MPHOSPH9: variants seen among roughly 807,000 people sequenced by gnomAD.
MPHOSPH9 encodes the protein M-phase phosphoprotein 9.
Under a neutral mutation model 145.5 loss-of-function variants are expected in MPHOSPH9, and 88 were observed. The observed-to-expected ratio is 0.60, with a 90% CI of 0.51 to 0.72. MPHOSPH9 has a LOEUF of 0.72. Ranked by LOEUF, MPHOSPH9 falls within the 30% of genes least tolerant of loss-of-function variation. MPHOSPH9 has a pLI of 0.00. For missense variants in MPHOSPH9, 1,238 were observed against 1,386.6 expected (o/e 0.89, Z 1.70); for synonymous variants, 435 against 486.2 (o/e 0.89, Z 1.39).
At chr12:123,180,189 C>T (rs2045062217) in intron 14 of MPHOSPH9, among the ~76,000 whole-genome samples, 199 bp from the exon 15 acceptor site, 1 of 152,196 alleles carries the variant, frequency 6.6e-6, no homozygotes, top group South Asian at 2.1e-4. Flanking sequence ...TACACAAGTC[C>T]CTCTGTGTAA....
intron 13 of MPHOSPH9, among the ~76,000 whole-genome samples, chr12:123,192,059 A>G (rs576739375): frequency 6.6e-6 from 1 of 152,292 alleles, no homozygotes; most frequent in East Asian, 1.9e-4. Flanking sequence ...AGTCAAATGC[A>G]GAAGGAATAC....
At chr12:123,222,150 C>A (rs1412713684) in intron 4 of MPHOSPH9, among the ~76,000 whole-genome samples, 1 of 145,928 alleles carries the variant, frequency 6.9e-6, no homozygotes, top group Admixed American at 6.8e-5. Flanking sequence ...TTGGCCAACA[C>A]GGTGAAACTC....
chr12:123,179,893 G>T, intron 15 of MPHOSPH9, 33 bp downstream of exon 15: 1 of 1,115,214 alleles, frequency 9.0e-7, no homozygotes, highest in Non-Finnish European at 1.3e-6. Context: ...AACAATTGAG[G>T]TATGTGTACA....
intron 5 of MPHOSPH9, among the ~76,000 whole-genome samples, chr12:123,220,664 G>A (rs777780710): frequency 2.0e-5 from 3 of 152,092 alleles, no homozygotes; most frequent in Non-Finnish European, 4.4e-5. Flanking sequence ...AGCTACTCAG[G>A]AGGATCACTT....
chr12:123,216,516 T>G (rs2046967447), intron 6 of MPHOSPH9, among the ~76,000 whole-genome samples: 1 of 152,088 alleles, frequency 6.6e-6, no homozygotes, highest in South Asian at 2.1e-4. Context: ...ACAATGCTAT[T>G]CTGTGACAAA....
upstream of MPHOSPH9, among the ~76,000 whole-genome samples, chr12:123,237,985 T>A: frequency 6.6e-6 from 1 of 151,844 alleles, no homozygotes; most frequent in Non-Finnish European, 1.5e-5. Context: ...AACCTCTGCC[T>A]GCCAGGTTGA....
chr12:123,162,989 T>C, intron 20 of MPHOSPH9, 25 bp downstream of exon 20: 3 of 1,528,850 alleles, frequency 2.0e-6, no homozygotes, highest in Non-Finnish European at 1.7e-6. Flanking sequence ...TAGTAAACTT[T>C]ATTCTACAAT....
At chr12:123,197,122 A>AT (rs1250693123) in intron 12 of MPHOSPH9, among the ~76,000 whole-genome samples, 1 of 142,702 alleles carries the variant, frequency 7.0e-6, no homozygotes, top group Non-Finnish European at 1.5e-5. Context: ...ACTAAAATTC[A>AT]TGGAATTGTA....
chr12:123,187,199 C>T (rs1036404028), intron 13 of MPHOSPH9, among the ~76,000 whole-genome samples: 2 of 151,484 alleles, frequency 1.3e-5, no homozygotes, highest in Non-Finnish European at 2.9e-5. Flanking sequence ...AGGCAGAGGC[C>T]GCAGTAGCCA....
chr12:123,212,576 G>A (rs1036320735), intron 7 of MPHOSPH9, among the ~76,000 whole-genome samples: 2 of 151,740 alleles, frequency 1.3e-5, no homozygotes, highest in Non-Finnish European at 1.5e-5. Flanking sequence ...GCGTGGTAGT[G>A]CATGCCTGTA....
chr12:123,181,175 G>C lies in MPHOSPH9; in HGVS notation c.2277C>G (p.His759Gln), dbSNP rs1405034532. 6.2e-7 allele frequency: 1 copy of C among 1,611,658 alleles called. No individual in the cohort carries two copies. Among genetic ancestry groups the C allele is most frequent in the Non-Finnish European group, 8.5e-7 (1 of 1,178,042 alleles). Residue 759 changes from histidine (H) to glutamine (Q), a missense_variant, in exon 14 of 24, where the codon CAC becomes CAG. By Grantham distance (24) the His-to-Gln change is conservative (BLOSUM62 0). Transcript: ENST00000606320. ...LGEYESLGKE[H>Q]RRVKDALNTT... The stretch of plus-strand genomic sequence containing the variant: ...CATTACCCCTTACCTTTACTCTCCT[G>C]TGTTCTTTTCCAAGGGACTCATACT...
chr12:123,233,769 G>A (rs1289876345), upstream of MPHOSPH9: 1 of 152,424 alleles, frequency 6.6e-6, no homozygotes, highest in East Asian at 1.9e-4. Context: ...GGGCTGTTCA[G>A]GCACTCAGGG....
At chr12:123,184,516 G>C (rs1415335719) in intron 13 of MPHOSPH9, among the ~76,000 whole-genome samples, 1 of 143,728 alleles carries the variant, frequency 7.0e-6, no homozygotes. Context: ...TTTTTTTCTT[G>C]AGATGGAGTC....
At chr12:123,236,901 C>T (rs560072046), upstream of MPHOSPH9, among the ~76,000 whole-genome samples, 3 of 151,932 alleles carry the variant, frequency 2.0e-5, no homozygotes, top group African/African-American at 7.2e-5. Flanking sequence ...CTGAGAAACA[C>T]GGTGAATCCC....
Position 123,165,493 on chromosome 12 carries a change from T to A in MPHOSPH9, c.2592-16A>T, listed in dbSNP as rs369401042. ...TGAACGGTGCCTTAAACAATAATTT[T>A]AAGACATACAGTGCTATGGACTAAA... is the stretch of plus-strand genomic sequence containing the variant. On this transcript the variant is annotated splice_polypyrimidine_tract_variant and intron_variant, in intron 17 of 23. Coordinates refer to ENST00000606320, the MANE Select transcript of MPHOSPH9 (RefSeq NM_022782.4). 1.5e-4 allele frequency: 246 copies of A among 1,609,430 alleles called. No homozygotes were observed. Among genetic ancestry groups the A allele is most frequent in the Non-Finnish European group, 2.0e-4 (239 of 1,177,518 alleles).
chr12:123,210,186 T>C, intron 7 of MPHOSPH9, 24 bp from the exon 8 acceptor site: 4 of 1,379,876 alleles, frequency 2.9e-6, no homozygotes, highest in Non-Finnish European at 3.9e-6. Flanking sequence ...ACACACAGAA[T>C]AGAAAAGAGT....
chr12:123,243,035 G>GT (rs931412043), intron 1 of MPHOSPH9, among the ~76,000 whole-genome samples: 139 of 152,310 alleles, frequency 9.1e-4, no homozygotes, highest in African/African-American at 2.9e-3. Context: ...TCTTTCGTAG[G>GT]TAAGGTGATT....
intron 11 of MPHOSPH9, among the ~76,000 whole-genome samples, chr12:123,201,821 G>T (rs1197789719): frequency 6.6e-6 from 1 of 152,064 alleles, no homozygotes; most frequent in Non-Finnish European, 1.5e-5. Flanking sequence ...ATCTTTGTGG[G>T]TTTTTTTGGA....
intron 13 of MPHOSPH9, among the ~76,000 whole-genome samples, chr12:123,185,524 G>A (rs939910586): frequency 2.0e-5 from 3 of 151,882 alleles, no homozygotes; most frequent in African/African-American, 7.3e-5. Context: ...TGGGAGTATC[G>A]CTTGAGCTCA....
Sources: allele counts gnomAD v4.1 joint callset (sites outside exome capture counted in the v4.1 genomes callset), GRCh38; gene constraint gnomAD v4.1.1; transcripts MANE v1.5; gene names NCBI Gene and HGNC (gene_info 2026-07-23, HGNC 2026-07-21).